The following TGFBR3 variants were observed in gnomAD, a reference collection of about 807,000 sequenced individuals.
The protein encoded by TGFBR3 is transforming growth factor beta receptor 3.
Under a neutral mutation model 87.9 loss-of-function variants are expected in TGFBR3, and 46 were observed. The ratio of observed to expected loss-of-function variants is 0.52; its 90% confidence interval spans 0.41 to 0.67. The LOEUF (loss-of-function observed/expected upper bound fraction) is 0.67. TGFBR3 is among the 30% of genes least tolerant of loss of function. The probability of loss-of-function intolerance (pLI) is 0.00; values close to 1 mark genes in which losing one functional copy is unlikely to be tolerated. For synonymous variants in TGFBR3, 381 were observed against 391.6 expected, an observed-to-expected ratio of 0.97 and a Z score of 0.32; for missense variants, 866 against 1,041.9, an observed-to-expected ratio of 0.83 and a Z score of 2.32.
chr1:91,683,453 T>C lies in TGFBR3; in HGVS notation c.*286A>G. 4 of 634,302 alleles carry C rather than the reference T, an allele frequency of 6.3e-6. No homozygotes were observed. Among genetic ancestry groups the C allele is most frequent in the Non-Finnish European group, 1.2e-5 (4 of 343,184 alleles). The allele number at this position is 634,302 out of a possible 1,614,324, so 39.3% of individuals were successfully genotyped here. A position where few individuals can be genotyped will look rare whatever the true frequency, so the allele number is the denominator to read the frequency against. ...TTTAAAAACTGGCATGTGTTTCACA[T>C]TGAAAACCCCCAAGCCTGTGAGGGG... On this transcript the variant is annotated 3_prime_UTR_variant, in exon 17 of 17. Transcript: ENST00000212355.
chr1:91,697,968 AG>A, intron 15 of TGFBR3, 120 bp downstream of exon 15: 2 of 888,022 alleles, frequency 2.3e-6, no homozygotes, highest in South Asian at 1.3e-5. Flanking sequence ...GGAAGGGGGA[AG>A]GGGGAATGAG....
At chr1:91,746,701 A>G (rs1292458398) in intron 4 of TGFBR3, among the ~76,000 whole-genome samples, 3 of 151,842 alleles carry the variant, frequency 2.0e-5, no homozygotes, top group Non-Finnish European at 4.4e-5. Context: ...CTGGCTCCAA[A>G]CATGTTCCTA....
chr1:91,896,211 A>G (rs188317946), intron 2 of TGFBR3, among the ~76,000 whole-genome samples: 2 of 152,340 alleles, frequency 1.3e-5, no homozygotes, highest in African/African-American at 4.8e-5. Flanking sequence ...GGCCATGGCT[A>G]TCTTAATCAG....
chr1:91,891,627 T>C (rs969475795), intron 2 of TGFBR3, among the ~76,000 whole-genome samples: 2 of 152,192 alleles, frequency 1.3e-5, no homozygotes, highest in Non-Finnish European at 2.9e-5. Context: ...AAAGTTTGTC[T>C]AATACAGCCA....
chr1:91,736,460 G>C (rs1181106608), intron 4 of TGFBR3, among the ~76,000 whole-genome samples: 1 of 135,586 alleles, frequency 7.4e-6, no homozygotes, highest in Admixed American at 8.3e-5. Flanking sequence ...CACTTACTAC[G>C]TATCAGTGCT....
intron 14 of TGFBR3, among the ~76,000 whole-genome samples, chr1:91,704,101 A>C (rs1571422461): frequency 6.6e-6 from 1 of 152,034 alleles, no homozygotes; most frequent in Non-Finnish European, 1.5e-5. Context: ...GCCGAGGTGG[A>C]TGGATCATCT....
At chr1:91,881,716 G>A (rs78058509) in intron 1 of TGFBR3, among the ~76,000 whole-genome samples, 12 of 152,242 alleles carry the variant, frequency 7.9e-5, no homozygotes, top group South Asian at 4.2e-4. Flanking sequence ...GGACCCTAAC[G>A]TAGTAAATGA....
intron 3 of TGFBR3, among the ~76,000 whole-genome samples, chr1:91,777,239 A>G (rs1571499363): frequency 6.6e-6 from 1 of 152,190 alleles, no homozygotes; most frequent in Non-Finnish European, 1.5e-5. Context: ...GCCTGTCTAC[A>G]CTGCCCCTTC....
chr1:91,683,479 C>T lies in TGFBR3; in HGVS notation c.*260G>A, dbSNP rs182999308. 3.5e-4 allele frequency: 232 copies of T among 668,474 alleles called. No homozygotes were observed. The African/African-American group carries it at 3.9e-3, about 11-fold the overall frequency. 41.4% of individuals were successfully genotyped at this position (668,474 alleles called of 1,614,324 possible). A position where few individuals can be genotyped will look rare whatever the true frequency, so the allele number is the denominator to read the frequency against. ...TGAAAACCCCCAAGCCTGTGAGGGG[C>T]TGGTGGAGAAGACCACCATTTTAGC... On this transcript the variant is annotated 3_prime_UTR_variant, in exon 17 of 17. Coordinates refer to ENST00000212355, the MANE Select transcript of TGFBR3 (RefSeq NM_003243.5).
At chr1:91,817,479 G>T (rs1676276135) in intron 2 of TGFBR3, among the ~76,000 whole-genome samples, 1 of 152,162 alleles carries the variant, frequency 6.6e-6, no homozygotes, top group African/African-American at 2.4e-5. Flanking sequence ...CAAGTGTTCA[G>T]ACAGAAACTT....
intron 16 of TGFBR3, among the ~76,000 whole-genome samples, chr1:91,688,091 G>C (rs1198550171): frequency 6.6e-6 from 1 of 152,048 alleles, no homozygotes; most frequent in African/African-American, 2.4e-5. Context: ...CCACACAAAA[G>C]ACTCTTCTTT....
intron 12 of TGFBR3, among the ~76,000 whole-genome samples, chr1:91,715,153 C>T (rs552407873): frequency 6.6e-6 from 1 of 152,294 alleles, no homozygotes; most frequent in South Asian, 2.1e-4. Flanking sequence ...AGATGATATG[C>T]CCACTTGAAA....
chr1:91,885,443 C>T (rs182368480), intron 1 of TGFBR3, among the ~76,000 whole-genome samples: 1,597 of 152,224 alleles, frequency 0.01, 12 homozygotes, highest in Non-Finnish European at 0.016. Flanking sequence ...CAAACCGCGT[C>T]CGTGCACGAG....
At chr1:91,751,268 T>A (rs1370176540) in intron 4 of TGFBR3, among the ~76,000 whole-genome samples, 3 of 152,224 alleles carry the variant, frequency 2.0e-5, no homozygotes, top group African/African-American at 7.2e-5. Context: ...AGAATTTTTT[T>A]TAAAAAAAGT....
intron 2 of TGFBR3, among the ~76,000 whole-genome samples, chr1:91,811,762 A>T (rs1424666059): frequency 6.6e-6 from 1 of 152,244 alleles, no homozygotes. Context: ...CCTGTTCAGA[A>T]AAACATCTAT....
rs1674901181 is a variant in TGFBR3, at chr1:91,784,888, A to G, written c.246+12399T>C. ...CACTCAGCCCCAGCCTACCCCCTTC[A>G]TTGTCTTCATCCTCTATTACAGGAA... On this transcript the variant is annotated intron_variant, in intron 3 of 16. Transcript: ENST00000212355. 1.3e-5 allele frequency among the ~76,000 whole-genome samples: 2 copies of G among 152,106 alleles called. 1 individual carries two copies. The highest frequency in any genetic ancestry group is 4.1e-4 in the South Asian group (2 of 4,822).
At chr1:91,879,984 C>A (rs2799510) in intron 1 of TGFBR3, among the ~76,000 whole-genome samples, 139,768 of 152,132 alleles carry the variant, frequency 0.92, 64,874 homozygotes, top group Non-Finnish European at 0.99. Flanking sequence ...TGTTTTATGA[C>A]ATGCTGCAAA....
rs907295965 is a variant in TGFBR3 at position 91,686,601 on chromosome 1, A to T, written c.2438-2744T>A. On this transcript the variant is annotated intron_variant, in intron 16 of 16. Coordinates refer to ENST00000212355, the MANE Select transcript of TGFBR3 (RefSeq NM_003243.5). ...TTTTAAAAATAACTCTTACCTTTTG[A>T]CAGATTAAGTTTTTTCACTGTCAAA... Among the ~76,000 whole-genome samples the T allele has an allele frequency of 4.3e-3, 205 of 48,220 alleles. 1 individual carries two copies. Among genetic ancestry groups the T allele is most frequent in the Non-Finnish European group, 2.5e-3 (59 of 23,374 alleles). 31.6% of individuals were successfully genotyped at this position (48,220 alleles called of 152,430 possible).
intron 3 of TGFBR3, among the ~76,000 whole-genome samples, chr1:91,765,333 A>G (rs1674140883): frequency 6.6e-6 from 1 of 151,254 alleles, no homozygotes; most frequent in African/African-American, 2.4e-5. Context: ...AACGAACAAA[A>G]GTTATTAATG....
Sources: gnomAD v4.1 joint callset for allele counts (sites outside exome capture counted in the v4.1 genomes callset) on GRCh38, gnomAD v4.1.1 for gene constraint, MANE v1.5 for transcripts, NCBI Gene and HGNC (gene_info 2026-07-23, HGNC 2026-07-21) for gene names.